The following ASAP1 variants were observed in gnomAD, a reference collection of about 807,000 sequenced individuals.
ASAP1 encodes arf-GAP with SH3 domain, ANK repeat and PH domain-containing protein 1.
In ASAP1, 43 loss-of-function variants were observed where a neutral mutation model predicts 145.2. The observed-to-expected ratio is 0.30, with a 90% CI of 0.23 to 0.38. The LOEUF is 0.38. Among genes scored for constraint, ASAP1 ranks in the 10% least tolerant of loss-of-function variants. The pLI, the probability that ASAP1 is intolerant of heterozygous loss-of-function variation, is 1.00. For synonymous variants in ASAP1, 546 were observed against 515.5 expected (o/e 1.06, Z -0.80); for missense variants, 1,018 against 1,355.3 (o/e 0.75, Z 3.91).
chr8:130,430,694 G>A (rs542705690), intron 1 of ASAP1, among the ~76,000 whole-genome samples: 1 of 152,186 alleles, frequency 6.6e-6, no homozygotes, highest in African/African-American at 2.4e-5. Context: ...ACACTGACCC[G>A]AGGCAGGAAC....
At chr8:130,287,196 T>C (rs531816089) in intron 3 of ASAP1, among the ~76,000 whole-genome samples, 17 of 147,208 alleles carry the variant, frequency 1.2e-4, no homozygotes, top group African/African-American at 3.9e-4. Flanking sequence ...TTTTTGTATA[T>C]TGCCTGTCCA....
chr8:130,153,992 A>T (rs1022065116), intron 12 of ASAP1, among the ~76,000 whole-genome samples: 2 of 152,180 alleles, frequency 1.3e-5, no homozygotes, highest in Non-Finnish European at 2.9e-5. Flanking sequence ...CCAGGAGTTC[A>T]AGACCAGCCT....
At chr8:130,109,919 T>C (rs533634381) in intron 24 of ASAP1, among the ~76,000 whole-genome samples, 1 of 152,278 alleles carries the variant, frequency 6.6e-6, no homozygotes, top group African/African-American at 2.4e-5. Context: ...TGAAGAACAC[T>C]CTTGGTTTTT....
At chr8:130,262,163 A>G (rs1399302480) in intron 3 of ASAP1, among the ~76,000 whole-genome samples, 1 of 151,776 alleles carries the variant, frequency 6.6e-6, no homozygotes, top group East Asian at 1.9e-4. Flanking sequence ...TTAGGAGGCC[A>G]AAGTGGGTGG....
intron 1 of ASAP1, among the ~76,000 whole-genome samples, chr8:130,441,978 G>C (rs1830502879): frequency 6.6e-6 from 1 of 152,246 alleles, no homozygotes; most frequent in South Asian, 2.1e-4. Flanking sequence ...TTGCACAAAA[G>C]AATGGGATAG....
At chr8:130,372,514 C>T (rs1386276217) in intron 2 of ASAP1, among the ~76,000 whole-genome samples, 1 of 152,228 alleles carries the variant, frequency 6.6e-6, no homozygotes, top group Non-Finnish European at 1.5e-5. Flanking sequence ...TATCTATACC[C>T]CAACAGCAGG....
At chr8:130,421,790 A>G (rs752133201) in intron 1 of ASAP1, among the ~76,000 whole-genome samples, 14 of 152,350 alleles carry the variant, frequency 9.2e-5, no homozygotes, top group Admixed American at 5.9e-4. Context: ...TATTGCAGCT[A>G]TTATCACTAT....
At chr8:130,361,417 C>T (rs868566208) in intron 2 of ASAP1, among the ~76,000 whole-genome samples, 1 of 152,200 alleles carries the variant, frequency 6.6e-6, no homozygotes, top group African/African-American at 2.4e-5. Context: ...AAGATTATTA[C>T]AACAAGCTAA....
chr8:130,204,767 A>G (rs1394069007), intron 5 of ASAP1, among the ~76,000 whole-genome samples: 1 of 152,234 alleles, frequency 6.6e-6, no homozygotes, highest in African/African-American at 2.4e-5. Context: ...TTCAGTAGAC[A>G]TGTCACACGA....
rs1164811759 is a variant in ASAP1 at position 130,443,456 on chromosome 8, T to A, written c.-28+4A>T. On this transcript the variant is annotated splice_donor_region_variant and intron_variant, in intron 1 of 29. Transcript: ENST00000518721. ...CGAGCGCGCCCGAGCGCCCCGCAACTCACCGGGACCTGGCGGGCCGCTGGG... is the reference window on the plus strand; with the variant it reads ...CGAGCGCGCCCGAGCGCCCCGCAACACACCGGGACCTGGCGGGCCGCTGGG... 1.3e-5 allele frequency: 2 copies of A among 150,688 alleles called. No homozygotes were observed. The highest frequency in any genetic ancestry group is 3.0e-5 in the Non-Finnish European group (2 of 67,514). The allele number at this position is 150,688 out of a possible 1,614,324, so 9.3% of individuals were successfully genotyped here. A position where few individuals can be genotyped will look rare whatever the true frequency, so the allele number is the denominator to read the frequency against.
intron 2 of ASAP1, among the ~76,000 whole-genome samples, chr8:130,373,344 G>C (rs1042808129): frequency 6.6e-6 from 1 of 152,132 alleles, no homozygotes; most frequent in African/African-American, 2.4e-5. Context: ...AGTTTGGTGA[G>C]CTAGTTTTTA....
At chr8:130,335,631 G>C (rs1399406553) in intron 3 of ASAP1, among the ~76,000 whole-genome samples, 1 of 152,202 alleles carries the variant, frequency 6.6e-6, no homozygotes. Flanking sequence ...AAAAAGAGTT[G>C]GGAGGCAGAT....
intron 5 of ASAP1, among the ~76,000 whole-genome samples, chr8:130,202,234 G>T (rs1269145309): frequency 6.6e-6 from 1 of 152,152 alleles, no homozygotes; most frequent in African/African-American, 2.4e-5. Context: ...TTGCAGAAAA[G>T]GAATCTTCTT....
intron 2 of ASAP1, among the ~76,000 whole-genome samples, chr8:130,390,384 A>C (rs1271577087): frequency 6.6e-6 from 1 of 152,232 alleles, no homozygotes; most frequent in East Asian, 1.9e-4. Flanking sequence ...CAATCTAGGA[A>C]TCTCAGACTG....
intron 2 of ASAP1, among the ~76,000 whole-genome samples, chr8:130,398,995 A>G (rs1565282589): frequency 6.6e-6 from 1 of 152,246 alleles, no homozygotes; most frequent in African/African-American, 2.4e-5. Flanking sequence ...TACACTTCCC[A>G]GCCTTCTTTG....
At chr8:130,086,875 A>T (rs2097494498) in intron 25 of ASAP1, among the ~76,000 whole-genome samples, 1 of 152,192 alleles carries the variant, frequency 6.6e-6, no homozygotes, top group Non-Finnish European at 1.5e-5. Flanking sequence ...ACTCTTTGTA[A>T]TGAAGGAAGT....
intron 25 of ASAP1, among the ~76,000 whole-genome samples, chr8:130,085,135 C>G (rs1046202461): frequency 5.3e-5 from 8 of 152,178 alleles, no homozygotes; most frequent in African/African-American, 1.9e-4. Flanking sequence ...GGATGGAGGG[C>G]CAGGGGAGGG....
chr8:130,165,378 C>T (rs1484647361), intron 11 of ASAP1, among the ~76,000 whole-genome samples: 1 of 152,146 alleles, frequency 6.6e-6, no homozygotes, highest in East Asian at 1.9e-4. Flanking sequence ...ACAATATTCT[C>T]CCAAGACTGA....
intron 11 of ASAP1, among the ~76,000 whole-genome samples, chr8:130,161,129 T>C (rs577727906): frequency 6.6e-6 from 1 of 152,002 alleles, no homozygotes; most frequent in Admixed American, 6.5e-5. Context: ...AGGGAATCAA[T>C]ACCTCAGTGA....
Sources: allele counts gnomAD v4.1 joint callset (sites outside exome capture counted in the v4.1 genomes callset), GRCh38; gene constraint gnomAD v4.1.1; transcripts MANE v1.5; gene names NCBI Gene and HGNC (gene_info 2026-07-23, HGNC 2026-07-21).